Variants in TAS2R9 observed in about 807,000 individuals in gnomAD.
The protein encoded by TAS2R9 is taste 2 receptor member 9.
For missense variants in TAS2R9, 406 were observed against 363.6 expected (o/e 1.12, Z -0.95); for synonymous variants, 158 against 134.2 (o/e 1.18, Z -1.23).
At position 10,810,148 on chromosome 12, in the gene TAS2R9, G is replaced by T; in HGVS notation, c.-73C>A. On this transcript the variant is annotated 5_prime_UTR_variant, in exon 1 of 1. Transcript: ENST00000240691. ...TTTCAGCTGACCAGTGAAGAACAAT[G>T]TATCTGTCTGCCTCTTAGACCATGA... is the stretch of plus-strand genomic sequence containing the variant. The T allele has an allele frequency of 7.4e-7, 1 of 1,359,112 alleles. No individual in the cohort carries two copies. The highest frequency in any genetic ancestry group is 1.0e-6 in the Non-Finnish European group (1 of 978,878). 84.2% of individuals were successfully genotyped at this position (1,359,112 alleles called of 1,614,324 possible).
rs775396808 is a variant in TAS2R9 at position 10,809,207 on chromosome 12, C to T, written c.869G>A (p.Arg290Lys). ...TCTTAACATCTTCAGAAAAGCTTCC[C>T]TCAACTTGCTATTTCCCATAATTAG... ...FILIMGNSKL[R>K]EAFLKMLRFV... Residue 290 changes from arginine to lysine, a missense_variant, in exon 1 of 1, where the codon AGG becomes AAG. Physicochemically the swap from Arg to Lys is conservative, Grantham distance 26. Transcript: ENST00000240691. 17 of 1,613,406 alleles carry T rather than the reference C, an allele frequency of 1.1e-5. No homozygotes were observed. Among genetic ancestry groups the T allele is most frequent in the Non-Finnish European group, 5.9e-6 (7 of 1,179,732 alleles).
chr12:10,809,650 TAA>T, the TAS2R9 span: 1 of 1,613,522 alleles, frequency 6.2e-7, no homozygotes, highest in Non-Finnish European at 8.5e-7. Context: ...CACTAATAAT[TAA>T]AGAGATAAGA....
rs1423332142 is a variant in TAS2R9 at position 10,809,137 on chromosome 12, C to G, written c.939G>C (p.Ter313TyrextTer?). 6.2e-7 allele frequency: 1 copy of G among 1,603,266 alleles called. No homozygotes were observed. The highest frequency in any genetic ancestry group is 1.3e-5 in the African/African-American group (1 of 74,648). Residue 313 changes from the stop codon to tyrosine, a stop_lost, in exon 1 of 1, where the codon TAG (stop) becomes TAC (tyrosine). Transcript: ENST00000240691. ...FLRRRKPFVP[*>Y] ...TAGTCAGGATACTCTTTAGGGGTCTCTATGGAACAAAAGGCTTTCTTCTTC... is the reference window on the plus strand; with the variant it reads ...TAGTCAGGATACTCTTTAGGGGTCTGTATGGAACAAAAGGCTTTCTTCTTC...
chr12:10,810,033 C>T lies in TAS2R9; in HGVS notation c.43G>A (p.Gly15Ser), dbSNP rs201179461. The stretch of plus-strand genomic sequence containing the variant: ...CCCCAAATCCCTATGGTCAATTCAC[C>T]AGCAATTAAAATAATATATATTGCC... ...IEAIYIILIA[G>S]ELTIGIWGNG... The change falls in exon 1 of 1, where the codon GGT becomes AGT. Residue 15 changes from glycine to serine, a missense_variant. Physicochemically the swap from Gly to Ser is moderately conservative, Grantham distance 56. Transcript: ENST00000240691. The T allele has an allele frequency of 6.2e-6, 10 of 1,613,352 alleles. No homozygotes were observed. The highest frequency in any genetic ancestry group is 2.2e-5 in the East Asian group (1 of 44,864).
chr12:10,809,763 T>G lies in TAS2R9; in HGVS notation c.313A>C (p.Ile105Leu), dbSNP rs774580531. The change falls in exon 1 of 1, where the codon ATC becomes CTC. Residue 105 changes from isoleucine (I) to leucine (L), a missense_variant. By Grantham distance (5) the Ile-to-Leu change is conservative (BLOSUM62 2). Transcript: ENST00000240691. ...TTGGCTATCTTGAGTAAATAGAAGA[T>G]ACTGAGGCAAGAAGTAAACCAGAGA... ...SSLWFTSCLS[I>L]FYLLKIANIS... is the part of the protein sequence containing the mutation. 6.2e-7 allele frequency: 1 copy of G among 1,613,692 alleles called. No individual in the cohort carries two copies. Among genetic ancestry groups the G allele is most frequent in the South Asian group, 1.1e-5 (1 of 91,076 alleles).
chr12:10,809,762 A>G lies in TAS2R9; in HGVS notation c.314T>C (p.Ile105Thr). Residue 105 changes from isoleucine to threonine, a missense_variant, in exon 1 of 1, where the codon ATC (isoleucine) becomes ACC (threonine). Coordinates refer to ENST00000240691, the MANE Select transcript of TAS2R9 (RefSeq NM_023917.2). ...SSLWFTSCLS[I>T]FYLLKIANIS... ...ATTGGCTATCTTGAGTAAATAGAAG[A>G]TACTGAGGCAAGAAGTAAACCAGAG... 1 of 1,613,748 alleles carries G rather than the reference A, an allele frequency of 6.2e-7. No homozygotes were observed.
chr12:10,809,362 C>T lies in TAS2R9; in HGVS notation c.714G>A (p.Leu238=), dbSNP rs748502374. Residue 238 remains leucine (L), a synonymous_variant, in exon 1 of 1, where the codon CTG becomes CTA. Coordinates refer to ENST00000240691, the MANE Select transcript of TAS2R9 (RefSeq NM_023917.2). ...MRAIKAVIIF[L]LLLIVYYPVF... ...CTGGGTAGTACACGATGAGGAGGAG[C>T]AGAAAGATGATCACTGCCTTTATGG... 1 of 1,613,540 alleles carries T rather than the reference C, an allele frequency of 6.2e-7. No individual in the cohort carries two copies. The highest frequency in any genetic ancestry group is 8.5e-7 in the Non-Finnish European group (1 of 1,179,784).
At position 10,809,692 on chromosome 12, in the gene TAS2R9, C is replaced by T. The variant is rs1266897031; in HGVS notation, c.384G>A (p.Lys128=). 1 of 1,613,390 alleles carries T rather than the reference C, an allele frequency of 6.2e-7. No homozygotes were observed. ...FFFWLKLKIN[K]VMLAILLGSF... is the part of the protein sequence containing the mutation. ...ACCCCAGAAGAATCGCAAGCATGAC[C>T]TTGTTGATCTTTAGCTTCAGCCAGA... is the stretch of plus-strand genomic sequence containing the variant. Residue 128 remains lysine, a synonymous_variant, in exon 1 of 1, where the codon AAG becomes AAA. Coordinates refer to ENST00000240691, the MANE Select transcript of TAS2R9 (RefSeq NM_023917.2).
chr12:10,809,451 T>G lies in TAS2R9; in HGVS notation c.625A>C (p.Thr209Pro), dbSNP rs1948751750. ...GTAGCATGCAGTCGAATCTGCTTGG[T>G]GTGTCTAACTAGGGAGAAAAGTAAC... is the stretch of plus-strand genomic sequence containing the variant. ...FLLLFSLVRH[T>P]KQIRLHATGF... The change falls in exon 1 of 1, where the codon ACC becomes CCC. Residue 209 changes from threonine to proline, a missense_variant. Transcript: ENST00000240691. 1.2e-6 allele frequency: 2 copies of G among 1,613,394 alleles called. No homozygotes were observed. The highest frequency in any genetic ancestry group is 1.7e-6 in the Non-Finnish European group (2 of 1,179,802).
rs764618198 is a variant in TAS2R9, at chr12:10,809,536, C to G, written c.540G>C (p.Gln180His). 1 of 1,613,478 alleles carries G rather than the reference C, an allele frequency of 6.2e-7. No homozygotes were observed. The highest frequency in any genetic ancestry group is 2.2e-5 in the East Asian group (1 of 44,844). The change falls in exon 1 of 1, where the codon CAG (glutamine) becomes CAC (histidine). Residue 180 changes from glutamine (Q) to histidine (H), a missense_variant. By Grantham distance (24) the Gln-to-His change is conservative (BLOSUM62 0). Transcript: ENST00000240691. ...KVSKIPGTFK[Q>H]LTLNLGVMVP... ...CCATCACCCCCAGGTTCAGGGTTAA[C>G]TGTTTGAAAGTACCTGGAATTTTAC...
chr12:10,809,541 T>G lies in TAS2R9; in HGVS notation c.535A>C (p.Lys179Gln), dbSNP rs149488505. 1 of 1,613,414 alleles carries G rather than the reference T, an allele frequency of 6.2e-7. No individual in the cohort carries two copies. The highest frequency in any genetic ancestry group is 1.7e-5 in the Admixed American group (1 of 59,840). Reference sequence around the variant, plus strand: ...ACCCCCAGGTTCAGGGTTAACTGTTTGAAAGTACCTGGAATTTTACTCACT... The same window carrying G: ...ACCCCCAGGTTCAGGGTTAACTGTTGGAAAGTACCTGGAATTTTACTCACT... ...FKVSKIPGTFKQLTLNLGVMV... is the reference protein window; with the variant it reads ...FKVSKIPGTFQQLTLNLGVMV... Residue 179 changes from lysine to glutamine, a missense_variant, in exon 1 of 1, where the codon AAA becomes CAA. Lys to Gln is a moderately conservative substitution (Grantham distance 53). Transcript: ENST00000240691.
rs762457178 is a variant in TAS2R9 at position 10,809,859 on chromosome 12, G to A, written c.217C>T (p.Pro73Ser). 2 of 1,613,728 alleles carry A rather than the reference G, an allele frequency of 1.2e-6. No homozygotes were observed. Among genetic ancestry groups the A allele is most frequent in the South Asian group, 2.2e-5 (2 of 91,080 alleles). The change falls in exon 1 of 1, where the codon CCA becomes TCA. Residue 73 changes from proline to serine, a missense_variant. Physicochemically the swap from Pro to Ser is moderately conservative, Grantham distance 74. Coordinates refer to ENST00000240691, the MANE Select transcript of TAS2R9 (RefSeq NM_023917.2). ...AGCACGCTATTGCCATATGTACCTG[G>A]AAAGAGCAGCATAAAGAAGCCATCT... ...SLDGFFMLLF[P>S]GTYGNSVLVS...
At position 10,810,091 on chromosome 12, in the gene TAS2R9, T is replaced by C. The variant is rs771416761; in HGVS notation, c.-16A>G. 3 of 1,592,864 alleles carry C rather than the reference T, an allele frequency of 1.9e-6. No individual in the cohort carries two copies. The South Asian group carries it at 3.5e-5, about 18-fold the overall frequency. On this transcript the variant is annotated 5_prime_UTR_variant, in exon 1 of 1. Coordinates refer to ENST00000240691, the MANE Select transcript of TAS2R9 (RefSeq NM_023917.2). ...CACTTGGCATGCCAGCAAAGACTTGTGATTTTTGAATATCACTGATGATGA... is the reference window on the plus strand; with the variant it reads ...CACTTGGCATGCCAGCAAAGACTTGCGATTTTTGAATATCACTGATGATGA...
chr12:10,809,133 G>A lies in TAS2R9; in HGVS notation c.*4C>T, dbSNP rs765192170. ...CTTGTAGTCAGGATACTCTTTAGGG[G>A]TCTCTATGGAACAAAAGGCTTTCTT... On this transcript the variant is annotated 3_prime_UTR_variant, in exon 1 of 1. Transcript: ENST00000240691. The A allele has an allele frequency of 1.3e-6, 2 of 1,598,262 alleles. No homozygotes were observed. Among genetic ancestry groups the A allele is most frequent in the Non-Finnish European group, 1.7e-6 (2 of 1,171,992 alleles).
chr12:10,809,654 G>T lies in TAS2R9; in HGVS notation c.422C>A (p.Ser141Tyr), dbSNP rs762194733. The T allele has an allele frequency of 1.3e-5, 21 of 1,613,444 alleles. No individual in the cohort carries two copies. The highest frequency in any genetic ancestry group is 1.7e-5 in the Non-Finnish European group (20 of 1,179,836). The change falls in exon 1 of 1, where the codon TCT (serine) becomes TAT (tyrosine). Residue 141 changes from serine (S) to tyrosine (Y), a missense_variant. Ser to Tyr is a moderately radical substitution (Grantham distance 144, BLOSUM62 -2). Transcript: ENST00000240691. ...ATTCTTTGGAACACTAATAATTAAA[G>T]AGATAAGAAAGGACCCCAGAAGAAT... ...LAILLGSFLI[S>Y]LIISVPKNDD...
In TAS2R9 at chr12:10,809,533, T is replaced by C; in HGVS notation, c.543A>G (p.Leu181=). Residue 181 remains leucine (L), a synonymous_variant, in exon 1 of 1, where the codon TTA becomes TTG. Coordinates refer to ENST00000240691, the MANE Select transcript of TAS2R9 (RefSeq NM_023917.2). Reference sequence around the variant, plus strand: ...GAACCATCACCCCCAGGTTCAGGGTTAACTGTTTGAAAGTACCTGGAATTT... The same window carrying C: ...GAACCATCACCCCCAGGTTCAGGGTCAACTGTTTGAAAGTACCTGGAATTT... ...VSKIPGTFKQ[L]TLNLGVMVPF... 1 of 1,613,572 alleles carries C rather than the reference T, an allele frequency of 6.2e-7. No individual in the cohort carries two copies. Among genetic ancestry groups the C allele is most frequent in the Non-Finnish European group, 8.5e-7 (1 of 1,179,780 alleles).
chr12:10,809,579 G>T lies in TAS2R9; in HGVS notation c.497C>A (p.Thr166Asn), dbSNP rs778544213. Reference protein sequence around the residue: ...LFKVSHEENITWKFKVSKIPG... With the variant: ...LFKVSHEENINWKFKVSKIPG... ...AATTTTACTCACTTTGAATTTCCAA[G>T]TAATGTTTTCTTCATGACTGACTTT... Residue 166 changes from threonine (T) to asparagine (N), a missense_variant, in exon 1 of 1, where the codon ACT (threonine) becomes AAT (asparagine). Thr to Asn is a moderately conservative substitution (Grantham distance 65). Coordinates refer to ENST00000240691, the MANE Select transcript of TAS2R9 (RefSeq NM_023917.2). The T allele has an allele frequency of 1.2e-6, 2 of 1,613,404 alleles. No individual in the cohort carries two copies. Among genetic ancestry groups the T allele is most frequent in the South Asian group, 1.1e-5 (1 of 91,050 alleles).
chr12:10,809,187 A>G lies in TAS2R9; in HGVS notation c.889T>C (p.Leu297=). The change falls in exon 1 of 1, where the codon TTA becomes CTA. Residue 297 remains leucine, a synonymous_variant. Transcript: ENST00000240691. ...CTAAGGAAACACTTCACAAATCTTAACATCTTCAGAAAAGCTTCCCTCAAC... is the reference window on the plus strand; with the variant it reads ...CTAAGGAAACACTTCACAAATCTTAGCATCTTCAGAAAAGCTTCCCTCAAC... ...SKLREAFLKM[L]RFVKCFLRRR... 6.2e-7 allele frequency: 1 copy of G among 1,613,400 alleles called. No homozygotes were observed. The highest frequency in any genetic ancestry group is 8.5e-7 in the Non-Finnish European group (1 of 1,179,642).
Position 10,809,891 on chromosome 12 carries a change from A to G in TAS2R9, c.185T>C (p.Ile62Thr), listed in dbSNP as rs1948756334. ...CAGCATAAAGAAGCCATCTAATGAT[A>G]TTACACACAGCAGACAGATTCTGGA... ...AISRICLLCV[I>T]SLDGFFMLLF... Residue 62 changes from isoleucine (I) to threonine (T), a missense_variant, in exon 1 of 1, where the codon ATA becomes ACA. Ile to Thr is a moderately conservative substitution (Grantham distance 89, BLOSUM62 -1). Transcript: ENST00000240691. 6.2e-7 allele frequency: 1 copy of G among 1,613,708 alleles called. No homozygotes were observed. Among genetic ancestry groups the G allele is most frequent in the Admixed American group, 1.7e-5 (1 of 59,906 alleles).
Sources: allele counts gnomAD v4.1 joint callset, GRCh38; gene constraint gnomAD v4.1.1; transcripts MANE v1.5; gene names NCBI Gene and HGNC (gene_info 2026-07-23, HGNC 2026-07-21).